The following CSMD2 variants were observed in gnomAD, a reference collection of about 807,000 sequenced individuals.
The protein encoded by CSMD2 is CUB and sushi domain-containing protein 2.
A neutral mutation model predicts 398.5 loss-of-function variants in CSMD2; 130 were observed. The observed-to-expected ratio is 0.33, with a 90% CI of 0.28 to 0.38. The LOEUF (loss-of-function observed/expected upper bound fraction) is 0.38. Ranked by LOEUF, CSMD2 falls within the 10% of genes least tolerant of loss-of-function variation. The pLI, the probability that CSMD2 is intolerant of heterozygous loss-of-function variation, is 1.00. For missense variants in CSMD2, 3,829 were observed against 4,764.9 expected (o/e 0.80, Z 5.78); for synonymous variants, 1,828 against 1,908.5 (o/e 0.96, Z 1.10).
chr1:34,100,619 T>C (rs185299803), intron 1 of CSMD2, among the ~76,000 whole-genome samples: 278 of 152,342 alleles, frequency 1.8e-3, no homozygotes, highest in African/African-American at 6.3e-3. Flanking sequence ...CATTATAACG[T>C]GAGCATTCCC....
At chr1:33,545,919 G>C (rs987305233) in intron 57 of CSMD2, 118 bp downstream of exon 57, 2 of 893,032 alleles carry the variant, frequency 2.2e-6, no homozygotes, top group Non-Finnish European at 3.5e-6. Flanking sequence ...CCAGGCTGAG[G>C]GTTCAAATGG....
At chr1:33,539,596 A>T (rs975653713) in intron 60 of CSMD2, among the ~76,000 whole-genome samples, 2 of 152,240 alleles carry the variant, frequency 1.3e-5, no homozygotes, top group African/African-American at 4.8e-5. Flanking sequence ...CACCATCAAA[A>T]GCTGAACTGT....
intron 26 of CSMD2, among the ~76,000 whole-genome samples, chr1:33,658,975 A>G (rs925240249): frequency 6.6e-6 from 1 of 152,252 alleles, no homozygotes; most frequent in African/African-American, 2.4e-5. Context: ...ACCGGGAGTT[A>G]CTGAAGTTAG....
chr1:33,764,451 C>A (rs900755447), intron 13 of CSMD2, among the ~76,000 whole-genome samples: 1 of 152,156 alleles, frequency 6.6e-6, no homozygotes, highest in Non-Finnish European at 1.5e-5. Flanking sequence ...AGCGGGCACC[C>A]CCTGCTCTGC....
chr1:33,553,227 T>TC (rs1657632640), intron 55 of CSMD2, among the ~76,000 whole-genome samples: 1 of 152,218 alleles, frequency 6.6e-6, no homozygotes, highest in Non-Finnish European at 1.5e-5. Flanking sequence ...AGCACCATTT[T>TC]CCCAATAATA....
At chr1:34,124,862 G>C (rs549685368) in intron 1 of CSMD2, among the ~76,000 whole-genome samples, 1 of 152,148 alleles carries the variant, frequency 6.6e-6, no homozygotes, top group African/African-American at 2.4e-5. Flanking sequence ...ACCAACTAGG[G>C]GCATTGCAAG....
intron 25 of CSMD2, among the ~76,000 whole-genome samples, chr1:33,664,733 G>A (rs1644252933): frequency 6.6e-6 from 1 of 152,084 alleles, no homozygotes; most frequent in African/African-American, 2.4e-5. Context: ...AACCCGGGAG[G>A]TGGAGCTTGC....
chr1:33,529,456 G>T (rs544678529), intron 64 of CSMD2, among the ~76,000 whole-genome samples: 4 of 152,192 alleles, frequency 2.6e-5, no homozygotes, highest in Non-Finnish European at 5.9e-5. Flanking sequence ...CAATGGAATA[G>T]AATAGAGAAT....
chr1:33,760,128 A>C (rs1399567160), intron 13 of CSMD2, among the ~76,000 whole-genome samples: 1 of 152,188 alleles, frequency 6.6e-6, no homozygotes, highest in African/African-American at 2.4e-5. Context: ...TAACCTTTGG[A>C]AATTACCCAC....
intron 1 of CSMD2, among the ~76,000 whole-genome samples, chr1:34,095,744 G>A (rs1182097936): frequency 6.6e-6 from 1 of 151,040 alleles, no homozygotes; most frequent in Non-Finnish European, 1.5e-5. Flanking sequence ...CCAATAACAG[G>A]AGCTGAAATT....
At chr1:33,539,790 G>T (rs1213081358) in intron 60 of CSMD2, among the ~76,000 whole-genome samples, 2 of 152,162 alleles carry the variant, frequency 1.3e-5, no homozygotes, top group East Asian at 3.9e-4. Flanking sequence ...GGTTGGAAAG[G>T]GTAACATTGC....
chr1:33,652,153 T>G (rs182575946), intron 28 of CSMD2, among the ~76,000 whole-genome samples, 170 bp downstream of exon 28: 1 of 152,294 alleles, frequency 6.6e-6, no homozygotes, highest in East Asian at 1.9e-4. Flanking sequence ...AGCACAGTGC[T>G]TGGCACGTAG....
intron 13 of CSMD2, among the ~76,000 whole-genome samples, chr1:33,767,660 G>T (rs1449155477): frequency 1.3e-5 from 2 of 152,322 alleles, no homozygotes; most frequent in East Asian, 3.9e-4. Flanking sequence ...AAAATGTAAA[G>T]ATTAGGAAGA....
At chr1:33,523,486 G>T in intron 66 of CSMD2, 67 bp from the exon 67 acceptor site, 1 of 722,960 alleles carries the variant, frequency 1.4e-6, no homozygotes, top group South Asian at 1.6e-5. Context: ...AAATTTGTGG[G>T]TTTGTGGGTG....
At chr1:33,925,284 C>T (rs1196033562) in intron 4 of CSMD2, among the ~76,000 whole-genome samples, 1 of 152,098 alleles carries the variant, frequency 6.6e-6, no homozygotes. Flanking sequence ...CCAGTTTTCC[C>T]AGCACTATTG....
At position 33,636,476 on chromosome 1, in the gene CSMD2, G is replaced by A; in HGVS notation, c.4853C>T (p.Ser1618Phe). 1 of 1,614,176 alleles carries A rather than the reference G, an allele frequency of 6.2e-7. No homozygotes were observed. Among genetic ancestry groups the A allele is most frequent in the African/African-American group, 1.3e-5 (1 of 75,040 alleles). Residue 1618 changes from serine (S) to phenylalanine (F), a missense_variant, in exon 30 of 71, where the codon TCC becomes TTC. By Grantham distance (155) the Ser-to-Phe change is radical (BLOSUM62 -2). Around this residue, in one of 5 missense-constraint regions of CSMD2, gnomAD observed 2,001 missense variants for 2,567.1 expected, o/e 0.78. Transcript: ENST00000373381. The surrounding 1 kb of genome is among the most constrained non-coding windows in gnomAD (Gnocchi z 4.8). Reference protein sequence around the residue: ...TRVGSDLKLGSSVTYYCHGGY... With the variant: ...TRVGSDLKLGFSVTYYCHGGY... Reference sequence around the variant, plus strand: ...CCCGTGGCAGTAGTAGGTGACGGAGGAGCCCAGCTTCAGGTCGGACCCCAC... The same window carrying A: ...CCCGTGGCAGTAGTAGGTGACGGAGAAGCCCAGCTTCAGGTCGGACCCCAC...
intron 22 of CSMD2, among the ~76,000 whole-genome samples, chr1:33,708,591 C>CTTATCATTATTATTATTATTATTA (rs1645881821): frequency 7.1e-6 from 1 of 141,084 alleles, no homozygotes. Flanking sequence ...TCCAACCGAA[C>CTTATCATTATTATTATTATTATTA]TTATTATTAT....
At chr1:33,536,092 AC>A (rs1371842604) in intron 62 of CSMD2, among the ~76,000 whole-genome samples, 3 of 152,166 alleles carry the variant, frequency 2.0e-5, no homozygotes, top group African/African-American at 7.2e-5. Flanking sequence ...GTGAGTACAG[AC>A]TAAGTGAATA....
chr1:34,014,956 G>A (rs1277971053), intron 3 of CSMD2, among the ~76,000 whole-genome samples: 15 of 152,174 alleles, frequency 9.9e-5, no homozygotes, highest in Non-Finnish European at 4.4e-5. Context: ...TTTTCCCCAA[G>A]ACAGCTGGGT....
Sources: gnomAD v4.1 joint callset for allele counts (sites outside exome capture counted in the v4.1 genomes callset) on GRCh38, gnomAD v4.1.1 for gene constraint, gnomAD v4.1.1 regional missense constraint, Gnocchi (gnomAD v3.1) non-coding constraint, MANE v1.5 for transcripts, NCBI Gene and HGNC (gene_info 2026-07-23, HGNC 2026-07-21) for gene names.